Variants in PRDM16 observed in about 807,000 individuals in gnomAD.
PRDM16 encodes PR/SET domain 16.
PRDM16 carries 23 observed loss-of-function variants against 110.6 expected under a neutral mutation model. The ratio of observed to expected loss-of-function variants is 0.21; its 90% confidence interval spans 0.15 to 0.29. The LOEUF is 0.29. Ranked by LOEUF, PRDM16 falls within the 10% of genes least tolerant of loss-of-function variation. The probability of loss-of-function intolerance (pLI) is 1.00; values close to 1 mark genes in which losing one functional copy is unlikely to be tolerated. For synonymous variants in PRDM16, 799 were observed against 781.8 expected (o/e 1.02, Z -0.37); for missense variants, 1,615 against 1,794.3 (o/e 0.90, Z 1.81).
intron 8 of PRDM16, among the ~76,000 whole-genome samples, chr1:3,409,847 G>GTGTGT (rs1553175985): frequency 1.9e-5 from 1 of 51,904 alleles, no homozygotes; most frequent in East Asian, 4.5e-4. Flanking sequence ...GTGTGGTGTG[G>GTGTGT]GTGTGTGTGT....
intron 3 of PRDM16, among the ~76,000 whole-genome samples, chr1:3,282,041 G>A (rs1317676601): frequency 6.6e-6 from 1 of 152,232 alleles, no homozygotes; most frequent in Admixed American, 6.5e-5. Flanking sequence ...AGTCAAACAT[G>A]TGACCTGAAC....
At chr1:3,131,101 C>T (rs1221778357) in intron 1 of PRDM16, among the ~76,000 whole-genome samples, 1 of 152,156 alleles carries the variant, frequency 6.6e-6, no homozygotes, top group Non-Finnish European at 1.5e-5. Flanking sequence ...TGGCTCTGCC[C>T]TTGGCTTCCT....
intron 2 of PRDM16, among the ~76,000 whole-genome samples, chr1:3,212,144 G>A (rs1276955482): frequency 6.6e-6 from 1 of 152,220 alleles, no homozygotes; most frequent in Admixed American, 6.5e-5. Context: ...GGACTGCGCG[G>A]CGCGGGCCTC....
chr1:3,356,890 C>T (rs910471422), intron 3 of PRDM16, among the ~76,000 whole-genome samples: 2 of 152,176 alleles, frequency 1.3e-5, no homozygotes, highest in African/African-American at 2.4e-5. Flanking sequence ...CTGGCTACCC[C>T]GGATCCCGGC....
At chr1:3,401,279 G>A (rs1643463311) in intron 5 of PRDM16, among the ~76,000 whole-genome samples, 1 of 152,198 alleles carries the variant, frequency 6.6e-6, no homozygotes, top group South Asian at 2.1e-4. Flanking sequence ...GGAGGGGACA[G>A]GAAGTGACAG....
intron 1 of PRDM16, among the ~76,000 whole-genome samples, chr1:3,111,632 G>A (rs928814522): frequency 2.6e-5 from 4 of 152,144 alleles, no homozygotes; most frequent in East Asian, 1.9e-4. Flanking sequence ...GAAAGGAGGC[G>A]CAGGTCAGGG....
Position 3,404,966 on chromosome 1 carries a change from C to T in PRDM16, c.1032+80C>T. The T allele has an allele frequency of 3.4e-6, 5 of 1,475,604 alleles. No individual in the cohort carries two copies. In the South Asian group the frequency reaches 5.2e-5, roughly 15 times the overall value. 91.4% of individuals were successfully genotyped at this position (1,475,604 alleles called of 1,614,324 possible). ...GGCGCCCGCCCCCGTGCTCCCTACA[C>T]CCCCTGGTCCAAATGTAGATGGAGT... On this transcript the variant is annotated intron_variant, in intron 7 of 16. Transcript: ENST00000270722.
intron 2 of PRDM16, among the ~76,000 whole-genome samples, chr1:3,195,593 C>T (rs978401247): frequency 2.7e-5 from 4 of 149,720 alleles, no homozygotes; most frequent in Non-Finnish European, 4.4e-5. Flanking sequence ...GCCCCGCCCC[C>T]CCTGTCCCAG....
At chr1:3,313,393 G>A (rs1341079504) in intron 3 of PRDM16, among the ~76,000 whole-genome samples, 1 of 152,218 alleles carries the variant, frequency 6.6e-6, no homozygotes, top group Non-Finnish European at 1.5e-5. Context: ...GACCGGCCTG[G>A]TCTCCTTTGA....
chr1:3,267,132 C>T (rs74638769), intron 3 of PRDM16, among the ~76,000 whole-genome samples: 5,343 of 152,236 alleles, frequency 0.035, 251 homozygotes, highest in East Asian at 0.19. Flanking sequence ...AGCATCTTTG[C>T]TTGCCCTGAA....
chr1:3,140,029 A>G (rs906850414), intron 1 of PRDM16, among the ~76,000 whole-genome samples: 10 of 152,216 alleles, frequency 6.6e-5, no homozygotes, highest in African/African-American at 2.2e-4. Context: ...TCCCTCGGAG[A>G]ATGGACCGCG....
chr1:3,136,546 C>G (rs1272725112), intron 1 of PRDM16, among the ~76,000 whole-genome samples: 1 of 152,186 alleles, frequency 6.6e-6, no homozygotes, highest in African/African-American at 2.4e-5. Flanking sequence ...CCCCAAGTCC[C>G]TGGGTCCACA....
At chr1:3,182,088 C>G (rs1390510214) in intron 1 of PRDM16, among the ~76,000 whole-genome samples, 1 of 152,268 alleles carries the variant, frequency 6.6e-6, no homozygotes, top group African/African-American at 2.4e-5. Context: ...CCGCCCTTCC[C>G]TGCCAGCCAC....
chr1:3,172,051 A>C (rs1452664563), intron 1 of PRDM16, among the ~76,000 whole-genome samples: 1 of 152,138 alleles, frequency 6.6e-6, no homozygotes, highest in Non-Finnish European at 1.5e-5. Context: ...CGATGTCCTT[A>C]TGCTGCTGTG....
chr1:3,074,376 C>T (rs778660548), intron 1 of PRDM16, among the ~76,000 whole-genome samples: 35 of 152,272 alleles, frequency 2.3e-4, no homozygotes, highest in Non-Finnish European at 4.0e-4. Flanking sequence ...CCCCACAGAG[C>T]ACCACAGGCT....
chr1:3,155,230 C>T (rs1415537556), intron 1 of PRDM16, among the ~76,000 whole-genome samples: 4 of 152,258 alleles, frequency 2.6e-5, no homozygotes, highest in South Asian at 2.1e-4. Flanking sequence ...CTGGCTCAAA[C>T]ACCGGCCAAG....
intron 3 of PRDM16, among the ~76,000 whole-genome samples, chr1:3,287,908 G>A (rs2134120): frequency 0.078 from 11,843 of 152,222 alleles, 1,478 homozygotes; most frequent in African/African-American, 0.26. Flanking sequence ...ATGGAGCCTC[G>A]CACACCCTCA....
intron 3 of PRDM16, among the ~76,000 whole-genome samples, chr1:3,342,656 G>A (rs1021547911): frequency 5.9e-5 from 9 of 152,194 alleles, no homozygotes; most frequent in South Asian, 2.1e-4. Context: ...TCCCCCAAGG[G>A]CAAATGGCCA....
In PRDM16 at chr1:3,116,829, C is replaced by T. The variant is rs144514862; in HGVS notation, c.37+47533C>T. 5.9e-5 allele frequency among the ~76,000 whole-genome samples: 9 copies of T among 152,330 alleles called. No homozygotes were observed. The East Asian group carries it at 1.5e-3, about 26-fold the overall frequency. On this transcript the variant is annotated intron_variant, in intron 1 of 16. Transcript: ENST00000270722. Reference sequence around the variant, plus strand: ...TGACTTGGTGGAGGGCTTGGAGCTCCGTGTGCCCCCACCTGCCTCCAGTCA... The same window carrying T: ...TGACTTGGTGGAGGGCTTGGAGCTCTGTGTGCCCCCACCTGCCTCCAGTCA...
Sources: allele counts gnomAD v4.1 joint callset (sites outside exome capture counted in the v4.1 genomes callset), GRCh38; gene constraint gnomAD v4.1.1; transcripts MANE v1.5; gene names NCBI Gene and HGNC (gene_info 2026-07-23, HGNC 2026-07-21).